The following TPRX1 variants were observed in gnomAD, a reference collection of about 807,000 sequenced individuals.
The protein encoded by TPRX1 is tetra-peptide repeat homeobox protein 1.
A neutral mutation model predicts 8.1 loss-of-function variants in TPRX1; 2 were observed. That is an observed-to-expected ratio of 0.25 (90% CI 0.10 to 0.78). The LOEUF (loss-of-function observed/expected upper bound fraction) is 0.78, where lower values mean the gene tolerates loss of function less well. Ranked by LOEUF, TPRX1 falls within the 30% of genes least tolerant of loss-of-function variation. TPRX1 has a pLI of 0.70. For missense variants in TPRX1, 517 were observed against 586.9 expected (o/e 0.88, Z 1.23); for synonymous variants, 257 against 254.1 (o/e 1.01, Z -0.11).
intron 2 of TPRX1, among the ~76,000 whole-genome samples, chr19:47,809,086 T>TC (rs1238158693): frequency 1.3e-5 from 2 of 152,054 alleles, no homozygotes; most frequent in Non-Finnish European, 2.9e-5. Flanking sequence ...GGCTTTTTTT[T>TC]CCCTCCCAAA....
chr19:47,805,179 G>A (rs1022484792), intron 2 of TPRX1, among the ~76,000 whole-genome samples: 1 of 152,210 alleles, frequency 6.6e-6, no homozygotes, highest in African/African-American at 2.4e-5. Context: ...TGCCTATGGG[G>A]TGAAGTTCTG....
rs557152958 is a variant in TPRX1 at position 47,808,008 on chromosome 19, C to T, written c.152-4335G>A. Among the ~76,000 whole-genome samples the T allele has an allele frequency of 7.9e-5, 12 of 152,216 alleles. No homozygotes were observed. In the South Asian group the frequency reaches 1.7e-3, roughly 21 times the overall value. The stretch of plus-strand genomic sequence containing the variant: ...CAGTGGAGTCAATCGAAACTCACTG[C>T]AACCTCGAACTCTGGGGTTTAAGCG... On this transcript the variant is annotated intron_variant, in intron 2 of 3. Transcript: ENST00000535759.
intron 2 of TPRX1, among the ~76,000 whole-genome samples, chr19:47,812,148 G>A (rs1967789746): frequency 6.6e-6 from 1 of 152,072 alleles, no homozygotes; most frequent in African/African-American, 2.4e-5. Flanking sequence ...TTACAGGAGT[G>A]AGCCACCCGT....
intron 2 of TPRX1, among the ~76,000 whole-genome samples, chr19:47,813,252 G>A (rs1967801538): frequency 2.0e-5 from 3 of 150,712 alleles, no homozygotes; most frequent in African/African-American, 7.3e-5. Flanking sequence ...GCTGGAGTCT[G>A]GGAGGTTGAG....
At chr19:47,802,950 C>T in exon 4 of TPRX1, 5 of 1,554,928 alleles carry the variant, frequency 3.2e-6, no homozygotes, top group Non-Finnish European at 4.3e-6. Context: ...CGCTCCCGAG[C>T]TAGTTTGGCG....
In TPRX1 at chr19:47,810,993, G is replaced by GTT. The variant is rs71334234; in HGVS notation, c.152-7322_152-7321dup. Among the ~76,000 whole-genome samples the GTT allele has an allele frequency of 7.3e-3, 1,006 of 137,576 alleles. 13 individuals carry two copies. Among genetic ancestry groups the GTT allele is most frequent in the African/African-American group, 0.024 (884 of 37,068 alleles). The allele number at this position is 137,576 out of a possible 152,430, so 90.3% of individuals were successfully genotyped here. ...TCTTGAAACACTGTCCTTGCTCTCT[G>GTT]TTTTTTTTTTTTTTTAATTTTATTT... On this transcript the variant is annotated intron_variant, in intron 2 of 3. Transcript: ENST00000535759.
At chr19:47,816,529 A>ATTTT (rs35029272) in intron 2 of TPRX1, among the ~76,000 whole-genome samples, 3 of 114,686 alleles carry the variant, frequency 2.6e-5, no homozygotes, top group Non-Finnish European at 5.3e-5. Flanking sequence ...ACCCCTGGGA[A>ATTTT]TTTTTTTTTT....
chr19:47,816,954 T>C (rs938993085), intron 2 of TPRX1, among the ~76,000 whole-genome samples: 2 of 152,190 alleles, frequency 1.3e-5, no homozygotes, highest in East Asian at 1.9e-4. Flanking sequence ...TGCAACCTGG[T>C]TGAATATCAG....
chr19:47,805,337 C>T (rs1967726159), intron 2 of TPRX1, among the ~76,000 whole-genome samples: 1 of 152,082 alleles, frequency 6.6e-6, no homozygotes, highest in Non-Finnish European at 1.5e-5. Context: ...CAGGAGGGGG[C>T]ACAGGTCTGA....
At chr19:47,810,680 G>A (rs970467580) in intron 2 of TPRX1, among the ~76,000 whole-genome samples, 4 of 151,804 alleles carry the variant, frequency 2.6e-5, no homozygotes, top group Non-Finnish European at 5.9e-5. Flanking sequence ...ATGCCTGTGG[G>A]CTCTGATGGG....
At chr19:47,811,854 T>C (rs1967786939) in intron 2 of TPRX1, among the ~76,000 whole-genome samples, 1 of 151,392 alleles carries the variant, frequency 6.6e-6, no homozygotes, top group African/African-American at 2.4e-5. Context: ...TGTATTTATT[T>C]ATTTTTAATT....
At chr19:47,810,494 G>A (rs35272152) in intron 2 of TPRX1, among the ~76,000 whole-genome samples, 39,090 of 149,504 alleles carry the variant, frequency 0.26, 5,514 homozygotes, top group Middle Eastern at 0.36. Flanking sequence ...GATTACAGGC[G>A]CCCACCACCA....
chr19:47,815,568 G>C (rs1967832161), intron 2 of TPRX1, among the ~76,000 whole-genome samples: 1 of 149,950 alleles, frequency 6.7e-6, no homozygotes, highest in Admixed American at 6.7e-5. Flanking sequence ...CAGCACTTTG[G>C]GAGGCCCAGG....
At chr19:47,803,057 C>G in intron 3 of TPRX1, 77 bp from the exon 3 acceptor site, 3 of 1,450,692 alleles carry the variant, frequency 2.1e-6, no homozygotes, top group Non-Finnish European at 2.7e-6. Flanking sequence ...GGGTCGGGGC[C>G]AGCCTGAAGC....
chr19:47,802,021 T>C, exon 4 of TPRX1: 1 of 1,611,278 alleles, frequency 6.2e-7, no homozygotes, highest in Non-Finnish European at 8.5e-7. Context: ...ATAAGGGGGC[T>C]GGGGCTGGGA....
At chr19:47,806,221 CAAAAT>C (rs1282323606) in intron 2 of TPRX1, among the ~76,000 whole-genome samples, 2 of 129,800 alleles carry the variant, frequency 1.5e-5, no homozygotes, top group Non-Finnish European at 3.3e-5. Context: ...GACTCCATCT[CAAAAT>C]AAATAAAAGT....
intron 2 of TPRX1, 146 bp from the exon 2 acceptor site, chr19:47,803,819 C>G: frequency 2.1e-6 from 1 of 483,840 alleles, no homozygotes; most frequent in Non-Finnish European, 3.8e-6. Context: ...CAGACCAGAC[C>G]TTGCACCTCT....
intron 2 of TPRX1, among the ~76,000 whole-genome samples, chr19:47,813,962 GGGGGT>G (rs1967808728): frequency 6.7e-6 from 1 of 150,370 alleles, no homozygotes; most frequent in South Asian, 2.1e-4. Flanking sequence ...GGGGCGGGGT[GGGGGT>G]GGGGTGGGGA....
intron 2 of TPRX1, among the ~76,000 whole-genome samples, chr19:47,805,268 C>G (rs963626561): frequency 7.2e-5 from 11 of 152,120 alleles, no homozygotes; most frequent in Non-Finnish European, 1.3e-4. Flanking sequence ...AGTTTATATA[C>G]GGGGCTCGTG....
Sources: allele counts gnomAD v4.1 joint callset (sites outside exome capture counted in the v4.1 genomes callset), GRCh38; gene constraint gnomAD v4.1.1; transcripts MANE v1.5; gene names NCBI Gene and HGNC (gene_info 2026-07-23, HGNC 2026-07-21).